Variants in CIMAP2 observed in about 807,000 individuals in gnomAD.
The protein encoded by CIMAP2 is ciliary microtubule associated protein 2, also known as ciliary microtubule-associated protein 2.
At chr1:54,817,082 A>T in the CIMAP2 span, 2 of 1,614,222 alleles carry the variant, frequency 1.2e-6, no homozygotes, top group Non-Finnish European at 1.7e-6. Context: ...GAGTGGATCC[A>T]AACGCTACCT....
the CIMAP2 span, chr1:54,807,892 C>A: frequency 6.3e-7 from 1 of 1,578,708 alleles, no homozygotes. Flanking sequence ...GGCACAGGAG[C>A]AAAAGCTGGG....
At chr1:54,820,941 G>A in the CIMAP2 span, among the ~76,000 whole-genome samples, 1 of 151,960 alleles carries the variant, frequency 6.6e-6, no homozygotes, top group Admixed American at 6.5e-5. Flanking sequence ...GCTAATTTTT[G>A]TATTTTTAGT....
the CIMAP2 span, among the ~76,000 whole-genome samples, chr1:54,812,619 G>A: frequency 6.6e-6 from 1 of 152,152 alleles, no homozygotes; most frequent in African/African-American, 2.4e-5. Context: ...TAACAAAGCA[G>A]AGAACAGGAG....
the CIMAP2 span, chr1:54,841,922 G>A: frequency 2.0e-6 from 3 of 1,520,706 alleles, no homozygotes; most frequent in South Asian, 2.4e-5. Context: ...CCAAAGGCCT[G>A]AAGACAAATC....
the CIMAP2 span, among the ~76,000 whole-genome samples, chr1:54,835,998 T>C: frequency 6.6e-6 from 1 of 152,062 alleles, no homozygotes; most frequent in Non-Finnish European, 1.5e-5. Flanking sequence ...ACTCTCCTTT[T>C]ACCCTTTGTG....
the CIMAP2 span, among the ~76,000 whole-genome samples, chr1:54,829,806 CA>C: frequency 6.6e-6 from 1 of 152,044 alleles, no homozygotes; most frequent in Non-Finnish European, 1.5e-5. Flanking sequence ...CAAATATCTT[CA>C]AAAGATTAAA....
the CIMAP2 span, chr1:54,811,765 G>GCCGGGGGGGGGGGGGGGCCCCCCC: frequency 6.1e-6 from 8 of 1,301,306 alleles, no homozygotes; most frequent in Non-Finnish European, 7.6e-6. Flanking sequence ...GGTTCTGACA[G>GCCGGGGGGGGGGGGGGGCCCCCCC]CCTCCATGCC....
At chr1:54,814,382 A>C in the CIMAP2 span, among the ~76,000 whole-genome samples, 20 of 152,222 alleles carry the variant, frequency 1.3e-4, no homozygotes, top group East Asian at 3.7e-3. Flanking sequence ...TGCTCCGCCC[A>C]AGGGAGTGGT....
the CIMAP2 span, among the ~76,000 whole-genome samples, chr1:54,823,689 A>G: frequency 6.6e-6 from 1 of 152,034 alleles, no homozygotes; most frequent in Non-Finnish European, 1.5e-5. Context: ...GGGTTTTTGT[A>G]GGGATAACGT....
the CIMAP2 span, among the ~76,000 whole-genome samples, chr1:54,839,263 A>T: frequency 6.6e-6 from 1 of 152,106 alleles, no homozygotes; most frequent in East Asian, 1.9e-4. Flanking sequence ...GTGGAGAATA[A>T]GGCAGGAGAG....
chr1:54,814,506 C>T, the CIMAP2 span, among the ~76,000 whole-genome samples: 3 of 152,226 alleles, frequency 2.0e-5, no homozygotes, highest in Non-Finnish European at 2.9e-5. Flanking sequence ...TTATCATCTG[C>T]ATTTCACTAA....
At chr1:54,812,285 T>G in the CIMAP2 span, 1 of 1,524,252 alleles carries the variant, frequency 6.6e-7, no homozygotes, top group Non-Finnish European at 8.9e-7. Context: ...TGTGCCAGGC[T>G]CTGCACCGGG....
the CIMAP2 span, among the ~76,000 whole-genome samples, chr1:54,810,704 C>T: frequency 6.6e-6 from 1 of 152,222 alleles, no homozygotes; most frequent in African/African-American, 2.4e-5. Context: ...CAGGTCTCTA[C>T]CCAATGTGGA....
At chr1:54,819,826 CTTTCTTTCTTTCTCT>C in the CIMAP2 span, among the ~76,000 whole-genome samples, 3 of 97,728 alleles carry the variant, frequency 3.1e-5, no homozygotes, top group Admixed American at 1.2e-4. Flanking sequence ...CTTTCTTTCT[CTTTCTTTCTTTCTCT>C]TTCTTTCTTT....
At chr1:54,839,037 T>C in the CIMAP2 span, among the ~76,000 whole-genome samples, 1 of 152,174 alleles carries the variant, frequency 6.6e-6, no homozygotes, top group Non-Finnish European at 1.5e-5. Flanking sequence ...TTTTGCTCTT[T>C]GTCTAGTACA....
the CIMAP2 span, among the ~76,000 whole-genome samples, chr1:54,813,484 T>C: frequency 5.3e-5 from 8 of 152,212 alleles, no homozygotes; most frequent in Non-Finnish European, 1.2e-4. Flanking sequence ...AAGACATCGT[T>C]CCTGCTTAGA....
the CIMAP2 span, among the ~76,000 whole-genome samples, chr1:54,832,794 G>A: frequency 1.3e-5 from 2 of 152,182 alleles, no homozygotes; most frequent in Admixed American, 6.5e-5. Flanking sequence ...TTGGGAGGCC[G>A]AGGCAGGAGG....
chr1:54,813,709 T>C, the CIMAP2 span: 1 of 1,292,158 alleles, frequency 7.7e-7, no homozygotes, highest in Non-Finnish European at 1.1e-6. Context: ...CACAGCAGGA[T>C]AGTAAGTGAT....
chr1:54,818,175 C>T, the CIMAP2 span, among the ~76,000 whole-genome samples: 1 of 152,198 alleles, frequency 6.6e-6, no homozygotes, highest in East Asian at 1.9e-4. Context: ...TGTTCTGATG[C>T]ATCTTGGCAT....
Sources: gnomAD v4.1 joint callset for allele counts (sites outside exome capture counted in the v4.1 genomes callset) on GRCh38, gnomAD v4.1.1 for gene constraint, MANE v1.5 for transcripts, NCBI Gene and HGNC (gene_info 2026-07-23, HGNC 2026-07-21) for gene names.